GABRG3: variants seen among roughly 807,000 people sequenced by gnomAD.
The protein encoded by GABRG3 is gamma-aminobutyric acid type A receptor subunit gamma3, also known as gamma-aminobutyric acid receptor subunit gamma-3.
Under a neutral mutation model 48.8 loss-of-function variants are expected in GABRG3, and 25 were observed. That is an observed-to-expected ratio of 0.51 (90% confidence interval 0.37 to 0.72). GABRG3 has a LOEUF of 0.72. GABRG3 is among the 30% of genes least tolerant of loss of function. The pLI, the probability that GABRG3 is intolerant of heterozygous loss-of-function variation, is 0.00. For synonymous variants in GABRG3, 227 were observed against 217.6 expected, an observed-to-expected ratio of 1.04 and a Z score of -0.38; for missense variants, 394 against 577.9, an observed-to-expected ratio of 0.68 and a Z score of 3.26.
intron 2 of GABRG3, among the ~76,000 whole-genome samples, chr15:27,008,630 G>T (rs2140664470): frequency 7.2e-6 from 1 of 138,140 alleles, no homozygotes; most frequent in East Asian, 2.0e-4. Context: ...ATCAGGTGCT[G>T]GCAGCTTTTT....
intron 5 of GABRG3, among the ~76,000 whole-genome samples, chr15:27,417,141 C>G (rs956182206): frequency 6.6e-6 from 1 of 152,092 alleles, no homozygotes; most frequent in Non-Finnish European, 1.5e-5. Context: ...TGCTGGTATG[C>G]AGTGGGTAGA....
chr15:27,540,346 A>G lies in GABRG3; in HGVS notation c.*7465A>G, dbSNP rs979015295. On this transcript the variant is annotated 3_prime_UTR_variant, in exon 10 of 10. Transcript: ENST00000615808. ...ATAACGTTTGAATTGTCTAACAACT[A>G]TCTTTTTTCACTAAAATACATGCAT... The G allele has an allele frequency of 6.6e-6, 1 of 152,138 alleles. No individual in the cohort carries two copies. The allele number at this position is 152,138 out of a possible 1,614,324, so 9.4% of individuals were successfully genotyped here. A position where few individuals can be genotyped will look rare whatever the true frequency, so the allele number is the denominator to read the frequency against.
At chr15:27,065,467 G>T (rs937828611) in intron 3 of GABRG3, among the ~76,000 whole-genome samples, 9 of 152,248 alleles carry the variant, frequency 5.9e-5, no homozygotes, top group African/African-American at 2.2e-4. Context: ...GGACACAGCA[G>T]CCCAATTTCT....
intron 3 of GABRG3, among the ~76,000 whole-genome samples, chr15:27,199,499 G>A (rs530134297): frequency 2.6e-5 from 4 of 152,198 alleles, no homozygotes; most frequent in South Asian, 2.1e-4. Context: ...CAGGGGCCTC[G>A]TCAGAGGTGT....
At position 27,336,204 on chromosome 15, in the gene GABRG3, AAGAAAGAGAGAG is replaced by A. The variant is rs1235005517; in HGVS notation, c.574+7320_574+7331del. Among the ~76,000 whole-genome samples the A allele has an allele frequency of 1.2e-4, 17 of 141,170 alleles. No individual in the cohort carries two copies. In the South Asian group the frequency reaches 2.9e-3, roughly 24 times the overall value. 92.6% of individuals were successfully genotyped at this position (141,170 alleles called of 152,430 possible). ...GAGTCAGTATGAAAAGAAAGAAAGA[AAGAAAGAGAGAG>A]AGAGAGAGAGAGAGAGAGGAGAAGA... On this transcript the variant is annotated intron_variant, in intron 5 of 9. Transcript: ENST00000615808.
chr15:27,064,094 G>A (rs973541416), intron 3 of GABRG3, among the ~76,000 whole-genome samples: 2 of 151,654 alleles, frequency 1.3e-5, no homozygotes, highest in Non-Finnish European at 2.9e-5. Flanking sequence ...TGAGTTTGGA[G>A]AGAGAAATGG....
chr15:27,453,604 T>G (rs752050134), intron 5 of GABRG3, among the ~76,000 whole-genome samples: 1 of 152,154 alleles, frequency 6.6e-6, no homozygotes, highest in African/African-American at 2.4e-5. Context: ...TTTTCTTGTT[T>G]GTTTGTTTGT....
chr15:27,339,573 G>C (rs1894094798), intron 5 of GABRG3, among the ~76,000 whole-genome samples: 1 of 152,198 alleles, frequency 6.6e-6, no homozygotes, highest in Non-Finnish European at 1.5e-5. Context: ...AGTCAGTCGG[G>C]CTGGCTGTGC....
chr15:27,301,750 T>C (rs1237471044), intron 3 of GABRG3, among the ~76,000 whole-genome samples: 1 of 152,126 alleles, frequency 6.6e-6, no homozygotes, highest in Non-Finnish European at 1.5e-5. Flanking sequence ...CCTAAAGATT[T>C]AGAAGCTAAG....
intron 3 of GABRG3, among the ~76,000 whole-genome samples, chr15:27,129,871 G>A (rs116821828): frequency 1.5e-3 from 227 of 152,018 alleles, no homozygotes; most frequent in Non-Finnish European, 1.8e-3. Flanking sequence ...TATTCAAGTC[G>A]TTTGTCCAGT....
chr15:27,023,780 T>C (rs1052530480), intron 2 of GABRG3, among the ~76,000 whole-genome samples: 1 of 152,248 alleles, frequency 6.6e-6, no homozygotes, highest in Non-Finnish European at 1.5e-5. Context: ...ATTCAATCTG[T>C]TTGAGCCCCT....
At chr15:27,426,423 C>A (rs528622817) in intron 5 of GABRG3, among the ~76,000 whole-genome samples, 39 of 152,184 alleles carry the variant, frequency 2.6e-4, no homozygotes, top group Non-Finnish European at 5.4e-4. Flanking sequence ...ATATGCCAGG[C>A]AGTCCCATGG....
Position 27,307,435 on chromosome 15 carries a change from A to G in GABRG3, c.271-19374A>G, listed in dbSNP as rs187672920. On this transcript the variant is annotated intron_variant, in intron 3 of 9. Transcript: ENST00000615808. ...TATATATAAACATATAGGTTTATATATTTATATATAAACATATAGGTTTAT... is the reference window on the plus strand; with the variant it reads ...TATATATAAACATATAGGTTTATATGTTTATATATAAACATATAGGTTTAT... Among the ~76,000 whole-genome samples, 94 of 76,610 alleles carry G rather than the reference A, an allele frequency of 1.2e-3. 13 individuals are homozygous for G. The highest frequency in any genetic ancestry group is 4.2e-3 in the African/African-American group (83 of 19,986). 50.3% of individuals were successfully genotyped at this position (76,610 alleles called of 152,430 possible).
At chr15:27,226,317 T>C (rs923985172) in intron 3 of GABRG3, among the ~76,000 whole-genome samples, 1 of 152,080 alleles carries the variant, frequency 6.6e-6, no homozygotes, top group African/African-American at 2.4e-5. Context: ...ACATGGACAA[T>C]GTGCTCTCAG....
intron 2 of GABRG3, among the ~76,000 whole-genome samples, chr15:27,009,126 C>T (rs1566907847): frequency 6.6e-6 from 1 of 152,118 alleles, no homozygotes; most frequent in Admixed American, 6.5e-5. Context: ...CTTCAGCTGC[C>T]CTGAGCATCG....
intron 3 of GABRG3, among the ~76,000 whole-genome samples, chr15:27,105,392 A>G (rs941431482): frequency 7.2e-5 from 11 of 152,190 alleles, no homozygotes; most frequent in African/African-American, 2.4e-4. Flanking sequence ...TGATCAGCCA[A>G]TCAACCAACA....
rs551433253 is a variant in GABRG3 at position 27,036,640 on chromosome 15, A to G, written c.270+9819A>G. Among the ~76,000 whole-genome samples the G allele has an allele frequency of 2.0e-5, 3 of 152,258 alleles. No homozygotes were observed. The East Asian group carries it at 5.8e-4, about 29-fold the overall frequency. ...GGGAGGCAGAGGTTGCAGTGAGCTG[A>G]GATTGCACCATTACGCTGCAGGCTG... is the stretch of plus-strand genomic sequence containing the variant. On this transcript the variant is annotated intron_variant, in intron 3 of 9. Coordinates refer to ENST00000615808, the MANE Select transcript of GABRG3 (RefSeq NM_033223.5).
At chr15:27,127,489 G>T (rs1897841670) in intron 3 of GABRG3, among the ~76,000 whole-genome samples, 1 of 151,970 alleles carries the variant, frequency 6.6e-6, no homozygotes, top group Non-Finnish European at 1.5e-5. Context: ...TTCCACTTGG[G>T]GAAAGTGGAA....
At chr15:27,286,652 G>T (rs1458633623) in intron 3 of GABRG3, among the ~76,000 whole-genome samples, 1 of 152,142 alleles carries the variant, frequency 6.6e-6, no homozygotes, top group Non-Finnish European at 1.5e-5. Context: ...TGGACAAGAA[G>T]CATCAATAAT....
Sources: gnomAD v4.1 joint callset for allele counts (sites outside exome capture counted in the v4.1 genomes callset) on GRCh38, gnomAD v4.1.1 for gene constraint, MANE v1.5 for transcripts, NCBI Gene and HGNC (gene_info 2026-07-23, HGNC 2026-07-21) for gene names.